Variants in KIAA1217 observed in about 807,000 individuals in gnomAD.
The protein encoded by KIAA1217 is sickle tail protein homolog.
KIAA1217 carries 88 observed loss-of-function variants against 163.9 expected under a neutral mutation model. The ratio of observed to expected loss-of-function variants is 0.54; its 90% CI spans 0.45 to 0.64. The LOEUF (loss-of-function observed/expected upper bound fraction) is 0.64, where lower values mean the gene tolerates loss of function less well. Ranked by LOEUF, KIAA1217 falls within the 30% of genes least tolerant of loss-of-function variation. The probability of loss-of-function intolerance (pLI) is 0.00; values close to 1 mark genes in which losing one functional copy is unlikely to be tolerated. For synonymous variants in KIAA1217, 903 were observed against 923.1 expected (o/e 0.98, Z 0.39); for missense variants, 2,372 against 2,475.0 (o/e 0.96, Z 0.88).
At chr10:24,251,545 C>A (rs189121254) in intron 2 of KIAA1217, among the ~76,000 whole-genome samples, 3 of 151,790 alleles carry the variant, frequency 2.0e-5, no homozygotes, top group African/African-American at 7.2e-5. Context: ...TTTAAAAAAT[C>A]AGATGATCAG....
At position 24,262,505 on chromosome 10, in the gene KIAA1217, T is replaced by A. The variant is rs577005323; in HGVS notation, c.354+42596T>A. Among the ~76,000 whole-genome samples the A allele has an allele frequency of 2.6e-4, 40 of 152,004 alleles. No homozygotes were observed. In the South Asian group the frequency reaches 3.5e-3, roughly 13 times the overall value. On this transcript the variant is annotated intron_variant, in intron 2 of 20. Transcript: ENST00000376454. ...AGCCGGGCGAGGTGGCGGGCAACTGTAATCCCAGCTTTTCGGGAGGCTGAA... is the reference window on the plus strand; with the variant it reads ...AGCCGGGCGAGGTGGCGGGCAACTGAAATCCCAGCTTTTCGGGAGGCTGAA...
chr10:24,083,701 T>A (rs1026162925), intron 2 of KIAA1217, among the ~76,000 whole-genome samples: 1 of 152,218 alleles, frequency 6.6e-6, no homozygotes, highest in African/African-American at 2.4e-5. Context: ...GGTGAAGGCA[T>A]TGAGTGAAAT....
chr10:24,034,739 G>A (rs534540170), intron 2 of KIAA1217, among the ~76,000 whole-genome samples: 1 of 152,262 alleles, frequency 6.6e-6, no homozygotes, highest in East Asian at 1.9e-4. Flanking sequence ...CAGACATCCT[G>A]GAGCGTGTTT....
intron 1 of KIAA1217, among the ~76,000 whole-genome samples, chr10:23,701,584 T>A (rs1836452800): frequency 6.6e-6 from 1 of 152,202 alleles, no homozygotes; most frequent in Non-Finnish European, 1.5e-5. Flanking sequence ...TGAGGTCGTA[T>A]CAATTAACCA....
In KIAA1217 at chr10:24,209,278, C is replaced by A. The variant is rs1349264611; in HGVS notation, c.70+15C>A. 6.2e-7 allele frequency: 1 copy of A among 1,604,942 alleles called. No individual in the cohort carries two copies. Among genetic ancestry groups the A allele is most frequent in the Non-Finnish European group, 8.5e-7 (1 of 1,172,418 alleles). On this transcript the variant is annotated intron_variant, in intron 1 of 20. Transcript: ENST00000376454. Reference sequence around the variant, plus strand: ...ACAGATGCAGGGTAAGTAACAGACCCATTCAAAGATGGAGTTACAGGGACG... The same window carrying A: ...ACAGATGCAGGGTAAGTAACAGACCAATTCAAAGATGGAGTTACAGGGACG...
chr10:23,982,529 T>C (rs1241114343), intron 1 of KIAA1217, among the ~76,000 whole-genome samples: 1 of 73,568 alleles, frequency 1.4e-5, no homozygotes, highest in South Asian at 6.7e-4. Flanking sequence ...TGTTTTTTGT[T>C]TCTCTCTCTC....
intron 2 of KIAA1217, among the ~76,000 whole-genome samples, chr10:24,358,988 G>A: frequency 6.6e-6 from 1 of 151,684 alleles, no homozygotes; most frequent in East Asian, 1.9e-4. Context: ...TGAGATCTGT[G>A]AATGAGATCA....
In KIAA1217 at chr10:24,027,797, A is replaced by C. The variant is rs116290844; in HGVS notation, c.-171+20423A>C. Reference sequence around the variant, plus strand: ...TGTGTATAAGAACAAAGGACTAAGAATTCCCGGGAAACTCCTAAATAAGAC... The same window carrying C: ...TGTGTATAAGAACAAAGGACTAAGACTTCCCGGGAAACTCCTAAATAAGAC... On this transcript the variant is annotated intron_variant, in intron 2 of 18. Coordinates refer to the KIAA1217 transcript ENST00000376462. Among the ~76,000 whole-genome samples, 330 of 152,236 alleles carry C rather than the reference A, an allele frequency of 2.2e-3. 2 individuals carry two copies. The highest frequency in any genetic ancestry group is 7.8e-3 in the African/African-American group (323 of 41,564).
intron 2 of KIAA1217, among the ~76,000 whole-genome samples, chr10:24,220,949 C>T (rs756653025): frequency 4.6e-5 from 7 of 151,736 alleles, no homozygotes; most frequent in Admixed American, 2.0e-4. Flanking sequence ...GTAGTAGAGA[C>T]GGGGTCTTTC....
At chr10:24,258,873 G>A (rs1042811675) in intron 2 of KIAA1217, among the ~76,000 whole-genome samples, 15 of 152,128 alleles carry the variant, frequency 9.9e-5, no homozygotes, top group African/African-American at 2.2e-4. Context: ...GATTACAGGC[G>A]TGAGCCACCG....
chr10:24,097,759 T>A (rs1427865012), intron 2 of KIAA1217, among the ~76,000 whole-genome samples: 1 of 152,120 alleles, frequency 6.6e-6, no homozygotes, highest in East Asian at 1.9e-4. Flanking sequence ...TCTGCATACC[T>A]CTTCCAAATC....
At chr10:24,164,837 A>G (rs2065273086) in intron 2 of KIAA1217, among the ~76,000 whole-genome samples, 1 of 152,286 alleles carries the variant, frequency 6.6e-6, no homozygotes, top group Middle Eastern at 3.4e-3. Flanking sequence ...AGAAGAAGAG[A>G]GAATAATATT....
intron 2 of KIAA1217, among the ~76,000 whole-genome samples, chr10:24,068,706 T>C (rs1411537680): frequency 6.6e-6 from 1 of 152,144 alleles, no homozygotes. Context: ...GGCCCACAGG[T>C]GTCCAGAGTA....
intron 2 of KIAA1217, among the ~76,000 whole-genome samples, chr10:24,086,541 T>G (rs1465914369): frequency 6.6e-6 from 1 of 152,224 alleles, no homozygotes; most frequent in East Asian, 1.9e-4. Flanking sequence ...TTATCAAGGA[T>G]GCAGTCTAAG....
chr10:23,781,008 A>G (rs1835235070), intron 1 of KIAA1217, among the ~76,000 whole-genome samples: 1 of 152,114 alleles, frequency 6.6e-6, no homozygotes, highest in African/African-American at 2.4e-5. Context: ...ACTTATTTAT[A>G]GACAGCCACT....
At chr10:23,913,619 TC>T (rs1469076824) in intron 1 of KIAA1217, among the ~76,000 whole-genome samples, 9 of 152,152 alleles carry the variant, frequency 5.9e-5, no homozygotes, top group African/African-American at 2.2e-4. Flanking sequence ...CTACAGAATA[TC>T]CTGGGTTGTT....
At chr10:24,225,518 T>C (rs1259053485) in intron 2 of KIAA1217, among the ~76,000 whole-genome samples, 1 of 152,262 alleles carries the variant, frequency 6.6e-6, no homozygotes, top group African/African-American at 2.4e-5. Flanking sequence ...CTGGTATTTT[T>C]CTTTCATTCA....
chr10:24,415,780 A>G (rs1398770568), intron 3 of KIAA1217, among the ~76,000 whole-genome samples: 5 of 152,176 alleles, frequency 3.3e-5, no homozygotes, highest in African/African-American at 1.2e-4. Context: ...TAGCTCCCTC[A>G]GGAACCCCTT....
chr10:24,192,968 G>A (rs996175789), intron 2 of KIAA1217, among the ~76,000 whole-genome samples: 1 of 151,944 alleles, frequency 6.6e-6, no homozygotes, highest in African/African-American at 2.4e-5. Context: ...TTTTTGGAGA[G>A]ATGGAGTCTT....
Sources: allele counts gnomAD v4.1 joint callset (sites outside exome capture counted in the v4.1 genomes callset), GRCh38; gene constraint gnomAD v4.1.1; transcripts MANE v1.5; gene names NCBI Gene and HGNC (gene_info 2026-07-23, HGNC 2026-07-21).